RASGRF2: variants seen among roughly 807,000 people sequenced by gnomAD.
The protein encoded by RASGRF2 is Ras protein specific guanine nucleotide releasing factor 2, also known as ras-specific guanine nucleotide-releasing factor 2.
In RASGRF2, 76 loss-of-function variants were observed where a neutral mutation model predicts 151.0. That is an observed-to-expected ratio of 0.50 (90% CI 0.42 to 0.61). The LOEUF is 0.61. Among genes scored for constraint, RASGRF2 ranks in the 20% least tolerant of loss-of-function variants. The pLI is 0.00. For missense variants in RASGRF2, 1,148 were observed against 1,564.6 expected (o/e 0.73, Z 4.49); for synonymous variants, 504 against 566.5 (o/e 0.89, Z 1.57).
chr5:81,181,163 C>T (rs1419134782), intron 18 of RASGRF2, among the ~76,000 whole-genome samples: 1 of 152,138 alleles, frequency 6.6e-6, no homozygotes, highest in African/African-American at 2.4e-5. Context: ...GGTAGGTATT[C>T]CCAGGTCTTT....
intron 17 of RASGRF2, among the ~76,000 whole-genome samples, chr5:81,163,990 T>C (rs1316751442): frequency 6.6e-6 from 1 of 152,220 alleles, no homozygotes; most frequent in Non-Finnish European, 1.5e-5. Flanking sequence ...AAACACTACA[T>C]AAATATTAGC....
At chr5:81,223,677 G>A (rs983834651) in intron 26 of RASGRF2, among the ~76,000 whole-genome samples, 1 of 151,618 alleles carries the variant, frequency 6.6e-6, no homozygotes, top group Non-Finnish European at 1.5e-5. Flanking sequence ...TACTGGCACA[G>A]CAGTGCAAAT....
intron 17 of RASGRF2, among the ~76,000 whole-genome samples, chr5:81,137,218 TA>T (rs1344796707): frequency 6.6e-6 from 1 of 152,224 alleles, no homozygotes; most frequent in East Asian, 1.9e-4. Flanking sequence ...CACTTTATTG[TA>T]AAATGGGCTT....
chr5:81,117,253 G>C (rs1286958675), intron 15 of RASGRF2, among the ~76,000 whole-genome samples: 1 of 152,174 alleles, frequency 6.6e-6, no homozygotes, highest in African/African-American at 2.4e-5. Flanking sequence ...GTTATAGCAG[G>C]ATATTTTAAA....
intron 17 of RASGRF2, among the ~76,000 whole-genome samples, chr5:81,136,409 A>G (rs1287181086): frequency 6.6e-6 from 1 of 152,130 alleles, no homozygotes; most frequent in Non-Finnish European, 1.5e-5. Context: ...ACTTCACTGA[A>G]CATAGAACTC....
chr5:81,122,014 C>T (rs141496988), intron 15 of RASGRF2, among the ~76,000 whole-genome samples: 174 of 152,290 alleles, frequency 1.1e-3, no homozygotes, highest in African/African-American at 3.6e-3. Flanking sequence ...TCTGCCCACT[C>T]GTCCTGCAGG....
chr5:81,077,292 C>T (rs529417902), intron 5 of RASGRF2, among the ~76,000 whole-genome samples: 11 of 152,028 alleles, frequency 7.2e-5, no homozygotes, highest in Admixed American at 6.5e-4. Context: ...GGGTGTTGAC[C>T]GAGGTCAATG....
intron 2 of RASGRF2, among the ~76,000 whole-genome samples, chr5:81,059,800 C>T (rs899729809): frequency 2.0e-5 from 3 of 151,918 alleles, no homozygotes; most frequent in East Asian, 1.9e-4. Context: ...GCTGAGATCG[C>T]GCCACTCCAC....
At chr5:81,003,426 G>T (rs182723557) in intron 1 of RASGRF2, among the ~76,000 whole-genome samples, 4,166 of 151,800 alleles carry the variant, frequency 0.027, 162 homozygotes, top group African/African-American at 0.083. Flanking sequence ...GGTTTCACCA[G>T]GTTAGCCAGG....
chr5:81,208,771 G>A (rs548444933), intron 22 of RASGRF2, among the ~76,000 whole-genome samples: 20 of 151,792 alleles, frequency 1.3e-4, no homozygotes, highest in South Asian at 8.3e-4. Context: ...GACTGGTCTC[G>A]AACTCCTGAC....
intron 17 of RASGRF2, among the ~76,000 whole-genome samples, chr5:81,160,251 C>A (rs1236267727): frequency 6.6e-6 from 1 of 152,174 alleles, no homozygotes; most frequent in Non-Finnish European, 1.5e-5. Context: ...GAAACCCCGT[C>A]TCTACTAAAA....
At chr5:80,977,096 C>T (rs141031795) in intron 1 of RASGRF2, among the ~76,000 whole-genome samples, 11 of 152,244 alleles carry the variant, frequency 7.2e-5, no homozygotes, top group Non-Finnish European at 1.3e-4. Context: ...ATTGTAGAGC[C>T]CCAACTGTCG....
rs188390517 is a variant in RASGRF2 at position 81,128,261 on chromosome 5, G to A, written c.2686+1098G>A. On this transcript the variant is annotated intron_variant, in intron 17 of 26. Coordinates refer to ENST00000265080, the MANE Select transcript of RASGRF2 (RefSeq NM_006909.3). ...AAAATGTACCGCATACTTGAAAATG[G>A]TTAAGAGAGTAGATTTTAGATGCTC... Among the ~76,000 whole-genome samples, 3 of 152,256 alleles carry A rather than the reference G, an allele frequency of 2.0e-5. No homozygotes were observed. In the East Asian group the frequency reaches 5.8e-4, roughly 29 times the overall value.
At chr5:81,163,109 C>CGGAGGCTGCCTCTGT (rs1456733093) in intron 17 of RASGRF2, among the ~76,000 whole-genome samples, 1 of 152,070 alleles carries the variant, frequency 6.6e-6, no homozygotes, top group Non-Finnish European at 1.5e-5. Flanking sequence ...GCTGCCTCTG[C>CGGAGGCTGCCTCTGT]GGAGGCTGCC....
chr5:81,021,762 G>A (rs929273093), intron 1 of RASGRF2, among the ~76,000 whole-genome samples: 2 of 152,160 alleles, frequency 1.3e-5, no homozygotes, highest in African/African-American at 2.4e-5. Flanking sequence ...CAGGGCACTG[G>A]GATATAGCAG....
chr5:81,086,141 A>G (rs1028657543), intron 8 of RASGRF2, among the ~76,000 whole-genome samples: 8 of 152,150 alleles, frequency 5.3e-5, no homozygotes, highest in African/African-American at 1.9e-4. Flanking sequence ...ATGTGAATTT[A>G]TGTAATTCAG....
intron 1 of RASGRF2, among the ~76,000 whole-genome samples, chr5:80,965,560 A>G (rs1747695861): frequency 6.6e-6 from 1 of 152,168 alleles, no homozygotes; most frequent in South Asian, 2.1e-4. Flanking sequence ...GATGTGACAG[A>G]TGTATTAATA....
At chr5:81,097,946 T>C (rs539245142) in intron 12 of RASGRF2, among the ~76,000 whole-genome samples, 13 of 152,266 alleles carry the variant, frequency 8.5e-5, no homozygotes, top group Admixed American at 1.3e-4. Context: ...AGGATTGCTG[T>C]GGCTGCTGTG....
Position 81,150,869 on chromosome 5 carries a change from G to A in RASGRF2, c.2686+23706G>A, listed in dbSNP as rs933398247. Among the ~76,000 whole-genome samples, 13 of 152,278 alleles carry A rather than the reference G, an allele frequency of 8.5e-5. 1 individual carries two copies. Among genetic ancestry groups the A allele is most frequent in the Admixed American group, 5.2e-4 (8 of 15,298 alleles). ...AATGGTGTTCACCACAGATGATGCT[G>A]TGTATAATGACAGATCACTGGAAAG... On this transcript the variant is annotated intron_variant, in intron 17 of 26. Coordinates refer to ENST00000265080, the MANE Select transcript of RASGRF2 (RefSeq NM_006909.3).
Sources: gnomAD v4.1 joint callset for allele counts (sites outside exome capture counted in the v4.1 genomes callset) on GRCh38, gnomAD v4.1.1 for gene constraint, MANE v1.5 for transcripts, NCBI Gene and HGNC (gene_info 2026-07-23, HGNC 2026-07-21) for gene names.